Variants in CCSER1 observed in about 807,000 individuals in gnomAD.
CCSER1 encodes serine-rich coiled-coil domain-containing protein 1.
CCSER1 carries 41 observed loss-of-function variants against 82.0 expected under a neutral mutation model. The ratio of observed to expected loss-of-function variants is 0.50; its 90% CI spans 0.39 to 0.65. The LOEUF (loss-of-function observed/expected upper bound fraction) is 0.65, where lower values mean the gene tolerates loss of function less well. Among genes scored for constraint, CCSER1 ranks in the 30% least tolerant of loss-of-function variants. The pLI, the probability that CCSER1 is intolerant of heterozygous loss-of-function variation, is 0.00. For missense variants in CCSER1, 1,119 were observed against 1,064.2 expected (o/e 1.05, Z -0.72); for synonymous variants, 414 against 383.9 (o/e 1.08, Z -0.92).
intron 8 of CCSER1, among the ~76,000 whole-genome samples, chr4:90,893,902 TA>T (rs1723322705): frequency 6.6e-6 from 1 of 152,036 alleles, no homozygotes; most frequent in South Asian, 2.1e-4. Flanking sequence ...ATTATTCACA[TA>T]TTTTCATTTT....
At chr4:90,936,323 A>G (rs1455711045) in intron 9 of CCSER1, among the ~76,000 whole-genome samples, 2 of 150,770 alleles carry the variant, frequency 1.3e-5, no homozygotes, top group African/African-American at 5.0e-5. Context: ...TAATATCCCC[A>G]GAGTGGTAAA....
intron 5 of CCSER1, among the ~76,000 whole-genome samples, chr4:90,511,124 G>A (rs1277767505): frequency 1.3e-5 from 2 of 152,130 alleles, no homozygotes; most frequent in Non-Finnish European, 2.9e-5. Flanking sequence ...AGAGTAAGAT[G>A]AAGCTAGAAA....
chr4:90,448,078 G>T (rs1283482190), intron 4 of CCSER1, among the ~76,000 whole-genome samples: 3 of 152,088 alleles, frequency 2.0e-5, no homozygotes, highest in Non-Finnish European at 2.9e-5. Flanking sequence ...TTGCTTATGT[G>T]AAATACTTTG....
At chr4:90,274,398 TTTC>T (rs987823386) in intron 1 of CCSER1, among the ~76,000 whole-genome samples, 1 of 152,166 alleles carries the variant, frequency 6.6e-6, no homozygotes, top group Non-Finnish European at 1.5e-5. Flanking sequence ...GTGTGTGTCT[TTTC>T]TTATCACTTT....
intron 6 of CCSER1, among the ~76,000 whole-genome samples, chr4:90,636,409 T>C (rs1272229972): frequency 6.6e-6 from 1 of 151,822 alleles, no homozygotes; most frequent in East Asian, 1.9e-4. Context: ...TTAAAAAAAA[T>C]TGGCAAAAAT....
At chr4:91,011,438 T>C (rs1738999222) in intron 9 of CCSER1, among the ~76,000 whole-genome samples, 3 of 134,148 alleles carry the variant, frequency 2.2e-5, no homozygotes, top group African/African-American at 7.4e-5. Flanking sequence ...AGAACAGCTG[T>C]AGAGCCAAGG....
Position 90,719,826 on chromosome 4 carries a change from T to G in CCSER1, c.1933-4088T>G, listed in dbSNP as rs562906608. Among the ~76,000 whole-genome samples, 43 of 152,292 alleles carry G rather than the reference T, an allele frequency of 2.8e-4. No homozygotes were observed. In the South Asian group the frequency reaches 8.5e-3, roughly 30 times the overall value. On this transcript the variant is annotated intron_variant, in intron 6 of 10. Transcript: ENST00000509176. The stretch of plus-strand genomic sequence containing the variant: ...GTAAAGTTACATTTTCCTTTTTTCA[T>G]ACATTACACTTTGGAAGAAAGTCAT...
At chr4:90,367,647 A>T (rs1039968047) in intron 3 of CCSER1, among the ~76,000 whole-genome samples, 2 of 151,990 alleles carry the variant, frequency 1.3e-5, no homozygotes, top group Non-Finnish European at 1.5e-5. Context: ...TGAGGAAAAA[A>T]ATGAAACAGA....
At chr4:91,435,300 G>A (rs912005527) in intron 10 of CCSER1, among the ~76,000 whole-genome samples, 1 of 151,980 alleles carries the variant, frequency 6.6e-6, no homozygotes, top group Non-Finnish European at 1.5e-5. Context: ...AAGTTAGCTG[G>A]GAGTGGTGGC....
chr4:91,166,100 A>T (rs1177503593), intron 10 of CCSER1, among the ~76,000 whole-genome samples: 3 of 152,252 alleles, frequency 2.0e-5, no homozygotes, highest in African/African-American at 7.2e-5. Flanking sequence ...TAAGATTTTT[A>T]AAAAGTTACA....
intron 10 of CCSER1, among the ~76,000 whole-genome samples, chr4:91,393,676 C>T (rs1751797449): frequency 6.6e-6 from 1 of 151,944 alleles, no homozygotes; most frequent in Non-Finnish European, 1.5e-5. Context: ...ATAGCTCATC[C>T]TGATTGTGTT....
At chr4:90,513,502 T>C (rs893930633) in intron 5 of CCSER1, among the ~76,000 whole-genome samples, 8 of 152,214 alleles carry the variant, frequency 5.3e-5, no homozygotes, top group African/African-American at 1.9e-4. Context: ...ATTTTACTGA[T>C]TTCATAGTAT....
intron 1 of CCSER1, among the ~76,000 whole-genome samples, chr4:90,249,772 G>T (rs1167398584): frequency 6.6e-6 from 1 of 151,936 alleles, no homozygotes; most frequent in Non-Finnish European, 1.5e-5. Context: ...TTCACTTTTT[G>T]GTTATTATGA....
intron 1 of CCSER1, among the ~76,000 whole-genome samples, chr4:90,282,109 A>G (rs534294070): frequency 6.6e-6 from 1 of 152,026 alleles, no homozygotes; most frequent in East Asian, 1.9e-4. Context: ...ACTAAGAACC[A>G]TATGGTATCT....
intron 10 of CCSER1, among the ~76,000 whole-genome samples, chr4:91,177,920 T>C (rs1232784923): frequency 6.6e-6 from 1 of 152,220 alleles, no homozygotes; most frequent in Non-Finnish European, 1.5e-5. Flanking sequence ...CAATTTTAGA[T>C]CTTTCCTGCC....
intron 10 of CCSER1, among the ~76,000 whole-genome samples, chr4:91,422,091 T>C (rs959750384): frequency 2.0e-5 from 3 of 152,146 alleles, no homozygotes; most frequent in Non-Finnish European, 4.4e-5. Context: ...CAGGAAAGAA[T>C]GTAGCCCTGT....
At chr4:90,279,439 G>A (rs1728500587) in intron 1 of CCSER1, among the ~76,000 whole-genome samples, 1 of 152,006 alleles carries the variant, frequency 6.6e-6, no homozygotes, top group African/African-American at 2.4e-5. Flanking sequence ...TAGCCACATA[G>A]AAATGCTGCA....
At chr4:90,852,654 A>C (rs1482632993) in intron 8 of CCSER1, among the ~76,000 whole-genome samples, 1 of 152,224 alleles carries the variant, frequency 6.6e-6, no homozygotes, top group African/African-American at 2.4e-5. Flanking sequence ...CTAGCTAGGA[A>C]GAACATTTAA....
intron 5 of CCSER1, among the ~76,000 whole-genome samples, chr4:90,620,901 C>T (rs900129321): frequency 6.6e-6 from 1 of 152,154 alleles, no homozygotes; most frequent in Non-Finnish European, 1.5e-5. Context: ...GCAACCTCCA[C>T]CTCCTGGGTT....
Sources: allele counts gnomAD v4.1 joint callset (sites outside exome capture counted in the v4.1 genomes callset), GRCh38; gene constraint gnomAD v4.1.1; transcripts MANE v1.5; gene names NCBI Gene and HGNC (gene_info 2026-07-23, HGNC 2026-07-21).